KDM4B: variants seen among roughly 807,000 people sequenced by gnomAD.
KDM4B encodes the protein lysine demethylase 4B.
A neutral mutation model predicts 125.2 loss-of-function variants in KDM4B; 32 were observed. The observed-to-expected ratio is 0.26, with a 90% confidence interval of 0.19 to 0.34. The LOEUF is 0.34. Ranked by LOEUF, KDM4B falls within the 10% of genes least tolerant of loss-of-function variation. The pLI is 1.00. For synonymous variants in KDM4B, 721 were observed against 677.9 expected, an observed-to-expected ratio of 1.06 and a Z score of -0.99; for missense variants, 1,190 against 1,577.7, an observed-to-expected ratio of 0.75 and a Z score of 4.16.
intron 2 of KDM4B, among the ~76,000 whole-genome samples, chr19:5,017,715 T>TC (rs1315564842): frequency 6.6e-6 from 1 of 152,220 alleles, no homozygotes; most frequent in African/African-American, 2.4e-5. Flanking sequence ...CAACTTGCTC[T>TC]GTCAGTTAGC....
At chr19:5,092,575 C>T (rs1032602348) in intron 9 of KDM4B, among the ~76,000 whole-genome samples, 8 of 152,154 alleles carry the variant, frequency 5.3e-5, no homozygotes, top group African/African-American at 1.4e-4. Flanking sequence ...TTTGCCAGCT[C>T]GGCAGCCCCC....
intron 1 of KDM4B, among the ~76,000 whole-genome samples, chr19:5,008,801 C>T (rs933655343): frequency 6.0e-5 from 9 of 150,960 alleles, no homozygotes; most frequent in Non-Finnish European, 1.0e-4. Flanking sequence ...CAGGTTTTCA[C>T]CATACTGGCC....
intron 9 of KDM4B, among the ~76,000 whole-genome samples, chr19:5,099,293 C>T (rs764039767): frequency 3.9e-5 from 6 of 152,292 alleles, no homozygotes; most frequent in Middle Eastern, 3.4e-3. Context: ...GGATTTACAA[C>T]GAGAAGCCAT....
intron 2 of KDM4B, among the ~76,000 whole-genome samples, chr19:5,026,286 A>G (rs1358578742): frequency 1.4e-5 from 2 of 147,736 alleles, no homozygotes; most frequent in East Asian, 4.3e-4. Flanking sequence ...CGGCCTCCCA[A>G]AGTGCTGGGA....
At chr19:5,047,248 G>T (rs916273755) in intron 5 of KDM4B, 18 of 512,412 alleles carry the variant, frequency 3.5e-5, no homozygotes, top group Non-Finnish European at 4.8e-5. Context: ...AGGCTGCAGT[G>T]AGCTATGATT....
At position 5,131,457 on chromosome 19, in the gene KDM4B, C is replaced by T. The variant is rs760760991; in HGVS notation, c.1697C>T (p.Ser566Phe). ...GGTCCGACCTGGAAGGAACCAGTTT[C>T]CCCCATGGAGCTGACGGGGCCAGAG... ...QKGPTWKEPV[S>F]PMELTGPEDG... Residue 566 changes from serine to phenylalanine, a missense_variant, in exon 12 of 23, where the codon TCC (serine) becomes TTC (phenylalanine). Physicochemically the swap from Ser to Phe is radical, Grantham distance 155. Coordinates refer to ENST00000159111, the MANE Select transcript of KDM4B (RefSeq NM_015015.3). 2.5e-6 allele frequency: 4 copies of T among 1,600,300 alleles called. No homozygotes were observed. Among genetic ancestry groups the T allele is most frequent in the African/African-American group, 1.4e-5 (1 of 70,848 alleles).
chr19:5,048,613 G>A (rs1424139495), intron 6 of KDM4B, among the ~76,000 whole-genome samples: 2 of 152,078 alleles, frequency 1.3e-5, no homozygotes, highest in African/African-American at 4.8e-5. Flanking sequence ...GGGGGGGGCG[G>A]GGGAGAATGC....
At chr19:5,006,997 C>T (rs2145465304) in intron 1 of KDM4B, among the ~76,000 whole-genome samples, 1 of 152,226 alleles carries the variant, frequency 6.6e-6, no homozygotes, top group East Asian at 1.9e-4. Flanking sequence ...AAGCATGGGG[C>T]TCACGAGGCG....
chr19:5,016,354 C>T lies in KDM4B; in HGVS notation c.-26+15C>T, dbSNP rs548076897. 1 of 152,386 alleles carries T rather than the reference C, an allele frequency of 6.6e-6. No individual in the cohort carries two copies. Among genetic ancestry groups the T allele is most frequent in the East Asian group, 1.9e-4 (1 of 5,182 alleles). 9.4% of individuals were successfully genotyped at this position (152,386 alleles called of 1,614,324 possible). ...GCCATCCAGAAGTAAGTAACACGGG[C>T]CTGGCCCCCAGGTGGCCCCACAGGA... is the stretch of plus-strand genomic sequence containing the variant. On this transcript the variant is annotated intron_variant, in intron 2 of 22. Coordinates refer to ENST00000159111, the MANE Select transcript of KDM4B (RefSeq NM_015015.3).
Position 5,152,118 on chromosome 19 carries a change from G to A in KDM4B, c.*607G>A. ...ATTGGAGGGTGAGCCTCGGGGGGGG[G>A]GCAGGACGCCCCGGTTTCGGCACAG... On this transcript the variant is annotated 3_prime_UTR_variant, in exon 23 of 23. Coordinates refer to ENST00000159111, the MANE Select transcript of KDM4B (RefSeq NM_015015.3). 6.6e-6 allele frequency: 1 copy of A among 152,282 alleles called. No homozygotes were observed. Among genetic ancestry groups the A allele is most frequent in the East Asian group, 1.9e-4 (1 of 5,162 alleles). 9.4% of individuals were successfully genotyped at this position (152,282 alleles called of 1,614,324 possible). A position where few individuals can be genotyped will look rare whatever the true frequency, so the allele number is the denominator to read the frequency against.
At position 5,144,789 on chromosome 19, in the gene KDM4B, G is replaced by T; in HGVS notation, c.2908G>T (p.Asp970Tyr). The T allele has an allele frequency of 6.2e-7, 1 of 1,613,504 alleles. No homozygotes were observed. Among genetic ancestry groups the T allele is most frequent in the Non-Finnish European group, 8.5e-7 (1 of 1,179,936 alleles). ...NLYPESITSRDCVQLGPPSEG... is the reference protein window; with the variant it reads ...NLYPESITSRYCVQLGPPSEG... Reference sequence around the variant, plus strand: ...CCACCTCTTCTCCCTGCAGAGTAGGGACTGTGTCCAGCTGGGACCCCCTTC... The same window carrying T: ...CCACCTCTTCTCCCTGCAGAGTAGGTACTGTGTCCAGCTGGGACCCCCTTC... The change falls in exon 21 of 23, where the codon GAC becomes TAC. Residue 970 changes from aspartate to tyrosine, a missense_variant. Asp to Tyr is a radical substitution (Grantham distance 160). Around this residue, in one of 7 missense-constraint regions of KDM4B, gnomAD observed 298 missense variants for 439.7 expected, o/e 0.68. Transcript: ENST00000159111.
intron 2 of KDM4B, among the ~76,000 whole-genome samples, chr19:5,031,389 G>A (rs2036451328): frequency 6.6e-6 from 1 of 152,248 alleles, no homozygotes; most frequent in African/African-American, 2.4e-5. Context: ...GGCTGCACGT[G>A]GTCACGTGCC....
In KDM4B at chr19:5,078,043, CG is replaced by C. The variant is rs2038174110; in HGVS notation, c.780+579del. On this transcript the variant is annotated intron_variant, in intron 8 of 22. Coordinates refer to ENST00000159111, the MANE Select transcript of KDM4B (RefSeq NM_015015.3). The surrounding 1 kb of genome is among the most constrained non-coding windows in gnomAD (Gnocchi z 4.5). Reference sequence around the variant, plus strand: ...GGCTGTGATGGAGGAGACCTGAGGCCGGGGGGTGGGGCCTCCCTACACCTGA... The same window carrying C: ...GGCTGTGATGGAGGAGACCTGAGGCCGGGGGTGGGGCCTCCCTACACCTGA... 1.3e-5 allele frequency: 2 copies of C among 154,202 alleles called. No individual in the cohort carries two copies. The allele number at this position is 154,202 out of a possible 1,614,324, so 9.6% of individuals were successfully genotyped here.
chr19:4,997,262 CGTTGTTACATAGGAT>C lies in KDM4B; in HGVS notation c.-108-18991_-108-18977del, dbSNP rs1187418823. Among the ~76,000 whole-genome samples the C allele has an allele frequency of 6.6e-6, 1 of 152,062 alleles. No individual in the cohort carries two copies. Among genetic ancestry groups the C allele is most frequent in the Non-Finnish European group, 1.5e-5 (1 of 68,022 alleles). On this transcript the variant is annotated intron_variant, in intron 1 of 22. Transcript: ENST00000159111. This position sits in a 1 kb window ranked among gnomAD's most constrained non-coding sequence, Gnocchi z 4.2. ...CTTATCTTTAGTTTTATTTTTGGTG[CGTTGTTACATAGGAT>C]GTTTTCAAGTTGCCTGATGTGTCCT... is the stretch of plus-strand genomic sequence containing the variant.
Position 5,078,930 on chromosome 19 carries a change from A to C in KDM4B, c.780+1460A>C, listed in dbSNP as rs948206404. The stretch of plus-strand genomic sequence containing the variant: ...TGAAGGCCCCTGTCCCACTGCAGCG[A>C]ACAGCACCCTGTGCCGCCCGGCCTG... On this transcript the variant is annotated intron_variant, in intron 8 of 22. Transcript: ENST00000159111. This position sits in a 1 kb window ranked among gnomAD's most constrained non-coding sequence, Gnocchi z 4.5. 1 of 152,086 alleles carries C rather than the reference A, an allele frequency of 6.6e-6. No homozygotes were observed. Among genetic ancestry groups the C allele is most frequent in the African/African-American group, 2.4e-5 (1 of 41,408 alleles). 9.4% of individuals were successfully genotyped at this position (152,086 alleles called of 1,614,324 possible). A position where few individuals can be genotyped will look rare whatever the true frequency, so the allele number is the denominator to read the frequency against.
At chr19:5,070,896 C>T in intron 6 of KDM4B, 114 bp from the exon 7 acceptor site, 3 of 1,071,654 alleles carry the variant, frequency 2.8e-6, no homozygotes, top group Non-Finnish European at 4.2e-6. Context: ...CATGACTCCA[C>T]TTTGCTTCTG....
chr19:4,985,459 C>T (rs1313342377), intron 1 of KDM4B, among the ~76,000 whole-genome samples: 3 of 152,352 alleles, frequency 2.0e-5, no homozygotes, highest in African/African-American at 7.2e-5. Context: ...CTCCAGGCGG[C>T]TGGTTTAGAG....
Position 5,131,209 on chromosome 19 carries a change from C to T in KDM4B, c.1449C>T (p.Ser483=). ...CAGAGGAGGCGCTGTGGCTGCCATC[C>T]CCACTGGAGCCCCCGGTGCTGGGCC... ...FPSEEALWLP[S]PLEPPVLGPG... The change falls in exon 12 of 23, where the codon TCC becomes TCT. Residue 483 remains serine, a synonymous_variant. Transcript: ENST00000159111. 1 of 1,605,108 alleles carries T rather than the reference C, an allele frequency of 6.2e-7. No homozygotes were observed. The highest frequency in any genetic ancestry group is 8.5e-7 in the Non-Finnish European group (1 of 1,176,346).
chr19:5,091,547 G>T (rs1250995981), intron 9 of KDM4B, among the ~76,000 whole-genome samples: 1 of 152,130 alleles, frequency 6.6e-6, no homozygotes, highest in Non-Finnish European at 1.5e-5. Flanking sequence ...GCTGGATGGG[G>T]GCTCCGGCAG....
Sources: gnomAD v4.1 joint callset for allele counts (sites outside exome capture counted in the v4.1 genomes callset) on GRCh38, gnomAD v4.1.1 for gene constraint, gnomAD v4.1.1 regional missense constraint, Gnocchi (gnomAD v3.1) non-coding constraint, MANE v1.5 for transcripts, NCBI Gene and HGNC (gene_info 2026-07-23, HGNC 2026-07-21) for gene names.